SMG6: variants seen among roughly 807,000 people sequenced by gnomAD.
SMG6 encodes the protein SMG6 nonsense mediated mRNA decay factor.
SMG6 carries 66 observed loss-of-function variants against 142.2 expected under a neutral mutation model. That is an observed-to-expected ratio of 0.46 (90% CI 0.38 to 0.57). SMG6 has a LOEUF of 0.57. Among genes scored for constraint, SMG6 ranks in the 20% least tolerant of loss-of-function variants. The probability of loss-of-function intolerance (pLI) is 0.00; values close to 1 mark genes in which losing one functional copy is unlikely to be tolerated. For missense variants in SMG6, 1,793 were observed against 1,832.0 expected (o/e 0.98, Z 0.39); for synonymous variants, 779 against 702.4 (o/e 1.11, Z -1.72).
chr17:2,145,643 CAAAAA>C (rs61451940), intron 13 of SMG6, among the ~76,000 whole-genome samples: 1 of 23,776 alleles, frequency 4.2e-5, no homozygotes. Context: ...TCCATCTCCC[CAAAAA>C]AAAAAAAAAA....
At chr17:2,098,923 G>A (rs1409182276) in intron 13 of SMG6, among the ~76,000 whole-genome samples, 1 of 152,206 alleles carries the variant, frequency 6.6e-6, no homozygotes, top group Non-Finnish European at 1.5e-5. Flanking sequence ...GAGCCACCGT[G>A]CCTGGCCATG....
At chr17:2,081,106 G>A (rs758309107) in intron 15 of SMG6, among the ~76,000 whole-genome samples, 4 of 152,118 alleles carry the variant, frequency 2.6e-5, no homozygotes, top group Admixed American at 6.5e-5. Flanking sequence ...TTAAAGAAGC[G>A]GAGTGGGTGG....
chr17:2,128,873 AAGAC>A (rs911749334), intron 13 of SMG6, among the ~76,000 whole-genome samples: 64 of 151,874 alleles, frequency 4.2e-4, no homozygotes, highest in Non-Finnish European at 7.7e-4. Context: ...GGAAGACAAA[AAGAC>A]AGAAAAAGAA....
At position 2,088,101 on chromosome 17, in the gene SMG6, G is replaced by A. The variant is rs1057324804; in HGVS notation, c.3358-2200C>T. On this transcript the variant is annotated intron_variant, in intron 13 of 18. Coordinates refer to ENST00000263073, the MANE Select transcript of SMG6 (RefSeq NM_017575.5). ...CCTTGGCCTCACCTGGACGATGAGA[G>A]GTACACTGGCACCCCTGCTAAGTGT... 7 of 985,328 alleles carry A rather than the reference G, an allele frequency of 7.1e-6. No individual in the cohort carries two copies. In the Admixed American group the frequency reaches 1.8e-4, roughly 26 times the overall value. 61.0% of individuals were successfully genotyped at this position (985,328 alleles called of 1,614,324 possible).
intron 13 of SMG6, among the ~76,000 whole-genome samples, chr17:2,095,472 C>T (rs927369089): frequency 1.3e-5 from 2 of 152,194 alleles, no homozygotes; most frequent in Non-Finnish European, 2.9e-5. Context: ...ACATGCAGTT[C>T]AGCAACATGT....
chr17:2,106,385 AG>A (rs1445788337), intron 13 of SMG6, among the ~76,000 whole-genome samples: 2 of 152,092 alleles, frequency 1.3e-5, no homozygotes, highest in Admixed American at 6.5e-5. Flanking sequence ...AAAGGAAGGG[AG>A]GGGGGTCTCT....
chr17:2,195,677 T>C (rs1345845812), intron 10 of SMG6, among the ~76,000 whole-genome samples: 2 of 152,204 alleles, frequency 1.3e-5, no homozygotes, highest in Non-Finnish European at 2.9e-5. Flanking sequence ...TTTTGAGACC[T>C]ATGTTAGGCA....
At chr17:2,194,808 C>A (rs772328644) in intron 10 of SMG6, among the ~76,000 whole-genome samples, 1 of 152,024 alleles carries the variant, frequency 6.6e-6, no homozygotes, top group African/African-American at 2.4e-5. Context: ...CAAAGACTCT[C>A]ACGTGTATTC....
intron 10 of SMG6, among the ~76,000 whole-genome samples, chr17:2,234,651 A>T (rs1043172364): frequency 5.3e-5 from 8 of 152,134 alleles, no homozygotes; most frequent in Non-Finnish European, 1.2e-4. Flanking sequence ...ATTCCTTTCC[A>T]TGGAATAGAA....
At chr17:2,303,480 A>T in intron 1 of SMG6, 153 bp downstream of exon 1, 1 of 1,324,474 alleles carries the variant, frequency 7.6e-7, no homozygotes, top group Non-Finnish European at 9.6e-7. Context: ...CGAGAGAGGT[A>T]GGGCAGCGAG....
At chr17:2,213,792 C>G (rs982314737) in intron 10 of SMG6, 2 of 152,226 alleles carry the variant, frequency 1.3e-5, no homozygotes, top group Non-Finnish European at 2.9e-5. Flanking sequence ...GATCCCACCC[C>G]ACTCTGATTT....
chr17:2,161,253 C>T (rs2071168443), intron 13 of SMG6, among the ~76,000 whole-genome samples: 3 of 151,748 alleles, frequency 2.0e-5, no homozygotes. Flanking sequence ...TACAGGCGTG[C>T]ATCACCAAGC....
intron 8 of SMG6, among the ~76,000 whole-genome samples, chr17:2,260,346 C>T (rs1230931775): frequency 1.3e-5 from 2 of 152,174 alleles, no homozygotes; most frequent in Non-Finnish European, 2.9e-5. Context: ...CCAGATGCTT[C>T]AAGATGAAGG....
chr17:2,113,331 C>T (rs919845007), intron 13 of SMG6, among the ~76,000 whole-genome samples: 6 of 152,138 alleles, frequency 3.9e-5, no homozygotes, highest in East Asian at 3.9e-4. Flanking sequence ...CCGCCTCGGC[C>T]TCACAGCGTG....
At chr17:2,172,139 G>A (rs1488052362) in intron 13 of SMG6, among the ~76,000 whole-genome samples, 1 of 152,110 alleles carries the variant, frequency 6.6e-6, no homozygotes, top group Non-Finnish European at 1.5e-5. Flanking sequence ...GTCCTCAGAG[G>A]AAGGAAAATA....
At chr17:2,123,771 G>A (rs367611183) in intron 13 of SMG6, among the ~76,000 whole-genome samples, 5 of 149,494 alleles carry the variant, frequency 3.3e-5, no homozygotes, top group African/African-American at 1.2e-4. Context: ...GTGCAGAGGA[G>A]GAGTGTGTTT....
Position 2,282,179 on chromosome 17 carries a change from T to C in SMG6, c.2661+468A>G, listed in dbSNP as rs76313729. On this transcript the variant is annotated intron_variant, in intron 8 of 18. Transcript: ENST00000263073. ...CTAAACAAGCCTGTGATTTTTCTAC[T>C]GTCATTTCTCCTGGCTTAAAGGAAA... is the stretch of plus-strand genomic sequence containing the variant. 7.8e-3 allele frequency among the ~76,000 whole-genome samples: 1,180 copies of C among 152,238 alleles called. 14 individuals carry two copies. Among genetic ancestry groups the C allele is most frequent in the Admixed American group, 0.038 (586 of 15,270 alleles).
chr17:2,149,479 C>A (rs2070765165), intron 13 of SMG6, among the ~76,000 whole-genome samples: 1 of 152,214 alleles, frequency 6.6e-6, no homozygotes, highest in African/African-American at 2.4e-5. Flanking sequence ...TAACTCCTCA[C>A]CCTCTTGCCT....
intron 13 of SMG6, among the ~76,000 whole-genome samples, chr17:2,160,153 C>A (rs1299904125): frequency 6.6e-6 from 1 of 151,950 alleles, no homozygotes; most frequent in African/African-American, 2.4e-5. Context: ...CAAATGTATA[C>A]CTTTCATTGT....
Sources: allele counts gnomAD v4.1 joint callset (sites outside exome capture counted in the v4.1 genomes callset), GRCh38; gene constraint gnomAD v4.1.1; transcripts MANE v1.5; gene names NCBI Gene and HGNC (gene_info 2026-07-23, HGNC 2026-07-21).